Variants in EFEMP1 observed in about 807,000 individuals in gnomAD.
EFEMP1 encodes the protein EGF-containing fibulin-like extracellular matrix protein 1.
EFEMP1 carries 18 observed loss-of-function variants against 65.7 expected under a neutral mutation model. That is an observed-to-expected ratio of 0.27 (90% confidence interval 0.19 to 0.41). The LOEUF (loss-of-function observed/expected upper bound fraction) is 0.41. Ranked by LOEUF, EFEMP1 falls within the 10% of genes least tolerant of loss-of-function variation. The pLI, the probability that EFEMP1 is intolerant of heterozygous loss-of-function variation, is 1.00. For missense variants in EFEMP1, 469 were observed against 624.8 expected (o/e 0.75, Z 2.66); for synonymous variants, 237 against 219.7 (o/e 1.08, Z -0.70).
rs772727814 is a variant in EFEMP1 at position 55,867,249 on chromosome 2, A to C, written c.1321-15T>G. On this transcript the variant is annotated splice_polypyrimidine_tract_variant and intron_variant, in intron 11 of 11. Coordinates refer to ENST00000355426, the MANE Select transcript of EFEMP1 (RefSeq NM_001039348.3). This position sits in a 1 kb window ranked among gnomAD's most constrained non-coding sequence, Gnocchi z 4.3. ...GGACTTGTTTGCTAAAATAAAAGAA[A>C]ATAGAGAAAGGAAGAGAATAATTTT... is the stretch of plus-strand genomic sequence containing the variant. The C allele has an allele frequency of 1.2e-6, 2 of 1,613,034 alleles. No individual in the cohort carries two copies. Among genetic ancestry groups the C allele is most frequent in the South Asian group, 1.1e-5 (1 of 91,018 alleles).
chr2:55,871,815 C>T lies in EFEMP1; in HGVS notation c.1001-692G>A, dbSNP rs576889473. On this transcript the variant is annotated intron_variant, in intron 9 of 11. Coordinates refer to ENST00000355426, the MANE Select transcript of EFEMP1 (RefSeq NM_001039348.3). The surrounding 1 kb of genome is among the most constrained non-coding windows in gnomAD (Gnocchi z 4.2). ...AGGAAGCACAGCACAGGAAGTGAAA[C>T]TATGAAGTGTTCCACCTCATAGAGC... 1.3e-5 allele frequency among the ~76,000 whole-genome samples: 2 copies of T among 152,130 alleles called. No individual in the cohort carries two copies. The highest frequency in any genetic ancestry group is 3.9e-4 in the East Asian group (2 of 5,174).
Position 55,870,654 on chromosome 2 carries a change from C to T in EFEMP1, c.1320+66G>A. 2 of 1,592,704 alleles carry T rather than the reference C, an allele frequency of 1.3e-6. No individual in the cohort carries two copies. The highest frequency in any genetic ancestry group is 1.7e-6 in the Non-Finnish European group (2 of 1,163,884). ...ACATGTGGATACCACACAACAACAA[C>T]AACAACAACAACAACAACAAACTCC... On this transcript the variant is annotated intron_variant, in intron 11 of 11. Transcript: ENST00000355426. The surrounding 1 kb of genome is among the most constrained non-coding windows in gnomAD (Gnocchi z 5.8).
intron 8 of EFEMP1, 29 bp downstream of exon 8, chr2:55,876,594 T>C (rs1365663862): frequency 2.5e-6 from 4 of 1,610,054 alleles, no homozygotes; most frequent in African/African-American, 1.3e-5. Flanking sequence ...AATTGGACTT[T>C]ATTCCATACT....
rs1668630671 is a variant in EFEMP1, at chr2:55,867,599, A to G, written c.1321-365T>C. Among the ~76,000 whole-genome samples the G allele has an allele frequency of 6.6e-6, 1 of 152,070 alleles. No homozygotes were observed. The highest frequency in any genetic ancestry group is 1.5e-5 in the Non-Finnish European group (1 of 68,014). ...CTTGTAAACAAAGTTGTCACTTTTCATTTTCTCAACATTGTGCATCTGTTT... is the reference window on the plus strand; with the variant it reads ...CTTGTAAACAAAGTTGTCACTTTTCGTTTTCTCAACATTGTGCATCTGTTT... On this transcript the variant is annotated intron_variant, in intron 11 of 11. Transcript: ENST00000355426. This position sits in a 1 kb window ranked among gnomAD's most constrained non-coding sequence, Gnocchi z 4.3.
In EFEMP1 at chr2:55,908,586, A is replaced by T. The variant is rs529115584; in HGVS notation, c.517+9079T>A. On this transcript the variant is annotated intron_variant, in intron 5 of 11. Coordinates refer to ENST00000355426, the MANE Select transcript of EFEMP1 (RefSeq NM_001039348.3). The stretch of plus-strand genomic sequence containing the variant: ...AAACTGCTAAGCAAGTAGATTTTAA[A>T]TATTCACACTGCAAAAAAACAAGTG... Among the ~76,000 whole-genome samples the T allele has an allele frequency of 3.2e-3, 486 of 152,306 alleles. 1 individual carries two copies. Among genetic ancestry groups the T allele is most frequent in the African/African-American group, 0.011 (460 of 41,564 alleles).
intron 5 of EFEMP1, among the ~76,000 whole-genome samples, chr2:55,902,163 T>C (rs1670062530): frequency 6.6e-6 from 1 of 152,212 alleles, no homozygotes; most frequent in African/African-American, 2.4e-5. Context: ...TCACTAAGCA[T>C]TGGAGTAATT....
chr2:55,878,607 CA>C (rs1669122882), intron 6 of EFEMP1, among the ~76,000 whole-genome samples: 1 of 152,170 alleles, frequency 6.6e-6, no homozygotes, highest in Admixed American at 6.6e-5. Context: ...TAATTTAAAA[CA>C]ACCATTATGC....
intron 5 of EFEMP1, among the ~76,000 whole-genome samples, chr2:55,914,348 T>C (rs550543412): frequency 9.8e-5 from 15 of 152,338 alleles, no homozygotes; most frequent in African/African-American, 3.6e-4. Flanking sequence ...GATCTTTGAA[T>C]GTTATGTTGT....
At chr2:55,904,564 A>G (rs1003439622) in intron 5 of EFEMP1, among the ~76,000 whole-genome samples, 1 of 152,224 alleles carries the variant, frequency 6.6e-6, no homozygotes, top group African/African-American at 2.4e-5. Context: ...CCCAAATAGA[A>G]CAAAGAGTCA....
chr2:55,899,947 A>G (rs1489832533), intron 5 of EFEMP1, among the ~76,000 whole-genome samples: 1 of 151,974 alleles, frequency 6.6e-6, no homozygotes, highest in Non-Finnish European at 1.5e-5. Context: ...GAAAAAATCA[A>G]CTCTGGTTTC....
rs1668620842 is a variant in EFEMP1, at chr2:55,867,442, GCTT to G, written c.1321-211_1321-209del. On this transcript the variant is annotated intron_variant, in intron 11 of 11. Transcript: ENST00000355426. The surrounding 1 kb of genome is among the most constrained non-coding windows in gnomAD (Gnocchi z 4.3). ...CATTAGCTCCAAGTTTCAAGGACTTGCTTTTTTTTTTTTTTAAATAGTTCTTTG... is the reference window on the plus strand; with the variant it reads ...CATTAGCTCCAAGTTTCAAGGACTTGTTTTTTTTTTTTAAATAGTTCTTTG... Among the ~76,000 whole-genome samples the G allele has an allele frequency of 8.1e-6, 1 of 123,910 alleles. No homozygotes were observed. 81.3% of individuals were successfully genotyped at this position (123,910 alleles called of 152,430 possible). A position where few individuals can be genotyped will look rare whatever the true frequency, so the allele number is the denominator to read the frequency against.
chr2:55,867,973 T>C lies in EFEMP1; in HGVS notation c.1321-739A>G, dbSNP rs1668647724. Among the ~76,000 whole-genome samples the C allele has an allele frequency of 6.6e-6, 1 of 152,126 alleles. No homozygotes were observed. Among genetic ancestry groups the C allele is most frequent in the Admixed American group, 6.6e-5 (1 of 15,256 alleles). On this transcript the variant is annotated intron_variant, in intron 11 of 11. Coordinates refer to ENST00000355426, the MANE Select transcript of EFEMP1 (RefSeq NM_001039348.3). The surrounding 1 kb of genome is among the most constrained non-coding windows in gnomAD (Gnocchi z 4.3). ...AGGGATAGAGTCATGGATTAGTATT[T>C]AGCAGTCACCTCAATGGGTGGACAT...
intron 5 of EFEMP1, among the ~76,000 whole-genome samples, chr2:55,895,693 C>T (rs1055421336): frequency 5.9e-5 from 9 of 152,102 alleles, no homozygotes; most frequent in South Asian, 2.1e-4. Context: ...AGGCGCCCGC[C>T]ACCTCGCCCG....
At chr2:55,920,197 C>G (rs1295405026) in intron 3 of EFEMP1, among the ~76,000 whole-genome samples, 1 of 152,200 alleles carries the variant, frequency 6.6e-6, no homozygotes, top group Non-Finnish European at 1.5e-5. Flanking sequence ...CTTTCTAGAT[C>G]AATCCAACCA....
chr2:55,876,402 A>G (rs1669036661), intron 8 of EFEMP1, among the ~76,000 whole-genome samples: 3 of 152,302 alleles, frequency 2.0e-5, no homozygotes, highest in South Asian at 2.1e-4. Context: ...TCTAATTATT[A>G]GAGCCAGCCT....
chr2:55,922,690 C>T lies in EFEMP1; in HGVS notation c.-8+209G>A. The T allele has an allele frequency of 2.1e-6, 1 of 485,494 alleles. No individual in the cohort carries two copies. The highest frequency in any genetic ancestry group is 2.0e-5 in the South Asian group (1 of 50,670). 30.1% of individuals were successfully genotyped at this position (485,494 alleles called of 1,614,324 possible). Reference sequence around the variant, plus strand: ...CATTTCACGTTACTCCATCCTGCTACGCTGTTTACATACAAAAGACATTCA... The same window carrying T: ...CATTTCACGTTACTCCATCCTGCTATGCTGTTTACATACAAAAGACATTCA... On this transcript the variant is annotated intron_variant, in intron 2 of 11. Transcript: ENST00000355426. This position sits in a 1 kb window ranked among gnomAD's most constrained non-coding sequence, Gnocchi z 5.5.
At chr2:55,874,311 T>C (rs992321067) in intron 9 of EFEMP1, among the ~76,000 whole-genome samples, 2 of 151,806 alleles carry the variant, frequency 1.3e-5, no homozygotes, top group Non-Finnish European at 2.9e-5. Context: ...ACATTGGAGG[T>C]AGGGTCCTTT....
chr2:55,917,708 C>G lies in EFEMP1; in HGVS notation c.474G>C (p.Gln158His). 1 of 1,614,202 alleles carries G rather than the reference C, an allele frequency of 6.2e-7. No individual in the cohort carries two copies. Among genetic ancestry groups the G allele is most frequent in the Non-Finnish European group, 8.5e-7 (1 of 1,180,032 alleles). ...RIPSNPSHRIQCAAGYEQSEH... is the reference protein window; with the variant it reads ...RIPSNPSHRIHCAAGYEQSEH... ...CACTTTGCTCGTAGCCTGCTGCACA[C>G]TGGATACGGTGGGAAGGGTTGGAGG... is the stretch of plus-strand genomic sequence containing the variant. The change falls in exon 5 of 12, where the codon CAG becomes CAC. Residue 158 changes from glutamine to histidine, a missense_variant. Around this residue, in one of 3 missense-constraint regions of EFEMP1, gnomAD observed 399 missense variants for 528.2 expected, o/e 0.76. Coordinates refer to ENST00000355426, the MANE Select transcript of EFEMP1 (RefSeq NM_001039348.3). The surrounding 1 kb of genome is among the most constrained non-coding windows in gnomAD (Gnocchi z 6.3).
At position 55,917,596 on chromosome 2, in the gene EFEMP1, T is replaced by A. The variant is rs1572850321; in HGVS notation, c.517+69A>T. On this transcript the variant is annotated intron_variant, in intron 5 of 11. Transcript: ENST00000355426. This position sits in a 1 kb window ranked among gnomAD's most constrained non-coding sequence, Gnocchi z 6.3. ...CACGCGAGAAGTCCTTAATAAATTATCATCATCCTCACCACGAGGTGCACT... is the reference window on the plus strand; with the variant it reads ...CACGCGAGAAGTCCTTAATAAATTAACATCATCCTCACCACGAGGTGCACT... The A allele has an allele frequency of 1.9e-6, 3 of 1,600,880 alleles. No individual in the cohort carries two copies. The highest frequency in any genetic ancestry group is 2.6e-6 in the Non-Finnish European group (3 of 1,168,430).
Sources: allele counts gnomAD v4.1 joint callset (sites outside exome capture counted in the v4.1 genomes callset), GRCh38; gene constraint gnomAD v4.1.1; regional missense constraint gnomAD v4.1.1; non-coding constraint Gnocchi (gnomAD v3.1); transcripts MANE v1.5; gene names NCBI Gene and HGNC (gene_info 2026-07-23, HGNC 2026-07-21).